The following NXN variants were observed in gnomAD, a reference collection of about 807,000 sequenced individuals.
NXN encodes the protein nucleoredoxin.
NXN carries 16 observed loss-of-function variants against 48.6 expected under a neutral mutation model. The ratio of observed to expected loss-of-function variants is 0.33; its 90% CI spans 0.22 to 0.50. The LOEUF is 0.50. Among genes scored for constraint, NXN ranks in the 20% least tolerant of loss-of-function variants. The pLI, the probability that NXN is intolerant of heterozygous loss-of-function variation, is 0.98. For synonymous variants in NXN, 281 were observed against 269.6 expected, an observed-to-expected ratio of 1.04 and a Z score of -0.41; for missense variants, 492 against 605.5, an observed-to-expected ratio of 0.81 and a Z score of 1.97.
At chr17:960,320 C>G (rs562000277) in intron 1 of NXN, among the ~76,000 whole-genome samples, 1 of 152,260 alleles carries the variant, frequency 6.6e-6, no homozygotes, top group East Asian at 1.9e-4. Flanking sequence ...GTCTACAGCT[C>G]TATATTCCAG....
At chr17:906,069 A>G (rs576676965) in intron 1 of NXN, among the ~76,000 whole-genome samples, 2 of 152,326 alleles carry the variant, frequency 1.3e-5, no homozygotes, top group East Asian at 3.9e-4. Flanking sequence ...TCATGTTGAA[A>G]TGTAATCAAT....
chr17:928,463 A>G (rs1236058684), intron 1 of NXN, among the ~76,000 whole-genome samples: 1 of 152,212 alleles, frequency 6.6e-6, no homozygotes, highest in East Asian at 1.9e-4. Context: ...CCATTAACCT[A>G]GAGGGAAGTT....
chr17:876,454 C>T (rs1055971501), intron 1 of NXN, among the ~76,000 whole-genome samples: 1 of 152,156 alleles, frequency 6.6e-6, no homozygotes, highest in East Asian at 1.9e-4. Context: ...ATGACCACAT[C>T]CCCTATTGTG....
At chr17:930,466 CCACAAACAATATTTACAGA>C (rs2068841944) in intron 1 of NXN, 2 of 151,842 alleles carry the variant, frequency 1.3e-5, no homozygotes, top group South Asian at 4.2e-4. Context: ...CTTGAACTTG[CCACAAACAATATTTACAGA>C]CACAACAATG....
rs1198215031 is a variant in NXN at position 830,569 on chromosome 17, A to T, written c.361-4491T>A. Among the ~76,000 whole-genome samples the T allele has an allele frequency of 6.6e-6, 1 of 152,196 alleles. No homozygotes were observed. The highest frequency in any genetic ancestry group is 1.5e-5 in the Non-Finnish European group (1 of 68,028). ...GGAGGCTGACTGCGAAAGTCTGAGT[A>T]GATGAGAGAACCAGGGGCGGCGGCT... On this transcript the variant is annotated intron_variant, in intron 1 of 7. Coordinates refer to ENST00000336868, the MANE Select transcript of NXN (RefSeq NM_022463.5). This position sits in a 1 kb window ranked among gnomAD's most constrained non-coding sequence, Gnocchi z 4.2.
chr17:959,439 C>T (rs896362519), intron 1 of NXN: 14 of 192,284 alleles, frequency 7.3e-5, no homozygotes, highest in Non-Finnish European at 9.6e-5. Flanking sequence ...ACTGGGACCC[C>T]ACTCCCAGGG....
intron 7 of NXN, among the ~76,000 whole-genome samples, chr17:803,008 A>T (rs1911286142): frequency 6.6e-6 from 1 of 152,092 alleles, no homozygotes; most frequent in South Asian, 2.1e-4. Context: ...GGAGCTCAAG[A>T]ATGAGAGCCT....
At chr17:835,263 G>A (rs542856443) in intron 1 of NXN, among the ~76,000 whole-genome samples, 41 of 149,958 alleles carry the variant, frequency 2.7e-4, no homozygotes, top group Admixed American at 1.2e-3. Context: ...AGCTGAGATC[G>A]TGCCACTGCA....
intron 5 of NXN, among the ~76,000 whole-genome samples, chr17:812,785 T>TGTGTAGGTGTGTGTGCGTGA (rs746915824): frequency 3.0e-4 from 45 of 148,660 alleles, no homozygotes; most frequent in African/African-American, 1.1e-3. Context: ...TGTGTGCATG[T>TGTGTAGGTGTGTGTGCGTGA]GTGTAGGTGT....
In NXN at chr17:819,542, C is replaced by A; in HGVS notation, c.717G>T (p.Ser239=). Residue 239 remains serine, a synonymous_variant, in exon 5 of 8, where the codon TCG becomes TCT. Transcript: ENST00000336868. ...TGAAGTACTGTTTGAAGGACTCCTC[C>A]GACCTACAGAGAGACACACGTGGCG... ...FEIIFVSADR[S]EESFKQYFSE... 6.3e-7 allele frequency: 1 copy of A among 1,593,244 alleles called. No homozygotes were observed. The highest frequency in any genetic ancestry group is 8.6e-7 in the Non-Finnish European group (1 of 1,167,016).
chr17:822,134 C>G (rs1361777447), intron 4 of NXN, among the ~76,000 whole-genome samples: 2 of 151,830 alleles, frequency 1.3e-5, no homozygotes, highest in Non-Finnish European at 2.9e-5. Context: ...CAAAAATTAG[C>G]CGGGCATGGT....
intron 5 of NXN, among the ~76,000 whole-genome samples, chr17:817,435 C>G (rs535073467): frequency 6.6e-6 from 1 of 152,008 alleles, no homozygotes; most frequent in South Asian, 2.1e-4. Context: ...TTTGGGAGGC[C>G]GAGGTGGGCG....
chr17:948,715 T>TCCCGC (rs1334563221), intron 1 of NXN, among the ~76,000 whole-genome samples: 1 of 151,730 alleles, frequency 6.6e-6, no homozygotes, highest in Non-Finnish European at 1.5e-5. Flanking sequence ...CCCCGGCCCG[T>TCCCGC]CCCGCCCCAG....
chr17:900,955 T>A (rs2144897520), intron 1 of NXN, among the ~76,000 whole-genome samples: 1 of 150,174 alleles, frequency 6.7e-6, no homozygotes, highest in South Asian at 2.1e-4. Context: ...GTTTAAGCTC[T>A]TTTTGCCCAG....
intron 1 of NXN, among the ~76,000 whole-genome samples, chr17:913,930 C>T (rs985959928): frequency 2.6e-5 from 4 of 152,158 alleles, no homozygotes; most frequent in Admixed American, 2.0e-4. Context: ...GACAGAGTCT[C>T]GCCCTGTCGC....
At chr17:824,133 G>A (rs543289921) in intron 2 of NXN, among the ~76,000 whole-genome samples, 3 of 151,484 alleles carry the variant, frequency 2.0e-5, no homozygotes, top group East Asian at 1.9e-4. Flanking sequence ...TCCGCCTCCC[G>A]GGTTCACGCC....
intron 1 of NXN, among the ~76,000 whole-genome samples, chr17:939,055 A>G (rs1333694395): frequency 6.6e-6 from 1 of 152,174 alleles, no homozygotes; most frequent in Non-Finnish European, 1.5e-5. Flanking sequence ...TCCCTCTCAA[A>G]AAAAAAAGAA....
intron 1 of NXN, among the ~76,000 whole-genome samples, chr17:957,976 A>G (rs1034036230): frequency 6.6e-6 from 1 of 151,690 alleles, no homozygotes; most frequent in Non-Finnish European, 1.5e-5. Context: ...GAACGTGAAA[A>G]TGTTTCCACG....
intron 1 of NXN, among the ~76,000 whole-genome samples, chr17:939,670 G>A (rs1018806036): frequency 3.9e-5 from 6 of 151,906 alleles, no homozygotes; most frequent in South Asian, 2.1e-4. Flanking sequence ...TAAAGAATAC[G>A]TTCTTACATG....
Sources: gnomAD v4.1 joint callset for allele counts (sites outside exome capture counted in the v4.1 genomes callset) on GRCh38, gnomAD v4.1.1 for gene constraint, Gnocchi (gnomAD v3.1) non-coding constraint, MANE v1.5 for transcripts, NCBI Gene and HGNC (gene_info 2026-07-23, HGNC 2026-07-21) for gene names.